SMIM19: variants seen among roughly 807,000 people sequenced by gnomAD.
SMIM19 encodes small integral membrane protein 19.
A neutral mutation model predicts 13.2 loss-of-function variants in SMIM19; 6 were observed. The observed-to-expected ratio is 0.45, with a 90% CI of 0.25 to 0.90. The LOEUF (loss-of-function observed/expected upper bound fraction) is 0.90. Among genes scored for constraint, SMIM19 ranks in the 40% least tolerant of loss-of-function variants. SMIM19 has a pLI of 0.19. For missense variants in SMIM19, 138 were observed against 131.0 expected, an observed-to-expected ratio of 1.05 and a Z score of -0.26; for synonymous variants, 46 against 43.1, an observed-to-expected ratio of 1.07 and a Z score of -0.27.
At chr8:42,549,239 C>CTG (rs1379994636) in intron 3 of SMIM19, among the ~76,000 whole-genome samples, 1 of 152,154 alleles carries the variant, frequency 6.6e-6, no homozygotes, top group Non-Finnish European at 1.5e-5. Flanking sequence ...TGGTGAAACC[C>CTG]TGTCTCTACC....
At chr8:42,547,972 T>C (rs1182733793) in intron 2 of SMIM19, among the ~76,000 whole-genome samples, 1 of 152,144 alleles carries the variant, frequency 6.6e-6, no homozygotes, top group Non-Finnish European at 1.5e-5. Flanking sequence ...CCAGAAATAA[T>C]TTACGTTTGG....
At chr8:42,543,156 A>G (rs1813332583) in intron 1 of SMIM19, among the ~76,000 whole-genome samples, 1 of 152,196 alleles carries the variant, frequency 6.6e-6, no homozygotes. Flanking sequence ...AAAATGTGAA[A>G]AATGGTGTCT....
Position 42,548,797 on chromosome 8 carries a change from C to CT in SMIM19, c.259+18dup. On this transcript the variant is annotated intron_variant, in intron 3 of 3. Transcript: ENST00000417410. ...ATTCCATTTGTAAGTATATTCTGTG[C>CT]TGAAAGATACACATATGCACATTTA... 6.2e-7 allele frequency: 1 copy of CT among 1,607,634 alleles called. No homozygotes were observed. The highest frequency in any genetic ancestry group is 2.2e-5 in the East Asian group (1 of 44,746).
intron 1 of SMIM19, among the ~76,000 whole-genome samples, chr8:42,545,874 C>T (rs908996757): frequency 6.6e-6 from 1 of 152,110 alleles, no homozygotes; most frequent in South Asian, 2.1e-4. Flanking sequence ...CTGGGTGTTA[C>T]AATTTGGAAA....
chr8:42,551,197 A>G (rs1223660405), intron 3 of SMIM19, among the ~76,000 whole-genome samples: 1 of 152,044 alleles, frequency 6.6e-6, no homozygotes, highest in East Asian at 1.9e-4. Context: ...GGGCACCTGT[A>G]GTCCCAGCTA....
intron 3 of SMIM19, among the ~76,000 whole-genome samples, chr8:42,551,304 C>T (rs1163724251): frequency 2.6e-5 from 3 of 115,104 alleles, no homozygotes; most frequent in Non-Finnish European, 3.5e-5. Flanking sequence ...GGCGACAGAG[C>T]GAGACTCAAA....
Position 42,554,034 on chromosome 8 carries a change from T to C in SMIM19, c.*1426T>C, listed in dbSNP as rs1368110520. On this transcript the variant is annotated 3_prime_UTR_variant, in exon 4 of 4. Coordinates refer to ENST00000417410, the MANE Select transcript of SMIM19 (RefSeq NM_001135674.2). ...CTTCAAGTATTTCATTTTCCCCTTATTGTGAAATAAACTATATACATTTTA... is the reference window on the plus strand; with the variant it reads ...CTTCAAGTATTTCATTTTCCCCTTACTGTGAAATAAACTATATACATTTTA... 2.0e-5 allele frequency: 3 copies of C among 152,110 alleles called. No homozygotes were observed. Among genetic ancestry groups the C allele is most frequent in the Admixed American group, 6.5e-5 (1 of 15,272 alleles). The allele number at this position is 152,110 out of a possible 1,614,324, so 9.4% of individuals were successfully genotyped here.
intron 2 of SMIM19, among the ~76,000 whole-genome samples, chr8:42,546,841 G>A (rs925830849): frequency 1.3e-5 from 2 of 151,808 alleles, no homozygotes; most frequent in Non-Finnish European, 2.9e-5. Context: ...AAATTAGCTG[G>A]GCATGGTGGT....
In SMIM19 at chr8:42,552,769, T is replaced by TC; in HGVS notation, c.*163dup. On this transcript the variant is annotated 3_prime_UTR_variant, in exon 4 of 4. Transcript: ENST00000417410. The stretch of plus-strand genomic sequence containing the variant: ...TTGTTTTGCCTTTTTAAATTACATC[T>TC]CCAAGTGGCTCAAAAGGCCTTGACA... 1.3e-6 allele frequency: 1 copy of TC among 771,788 alleles called. No homozygotes were observed. The highest frequency in any genetic ancestry group is 1.9e-5 in the South Asian group (1 of 51,798). 47.8% of individuals were successfully genotyped at this position (771,788 alleles called of 1,614,324 possible). A position where few individuals can be genotyped will look rare whatever the true frequency, so the allele number is the denominator to read the frequency against.
intron 1 of SMIM19, among the ~76,000 whole-genome samples, chr8:42,545,396 G>A (rs1263208827): frequency 6.6e-6 from 1 of 152,140 alleles, no homozygotes; most frequent in African/African-American, 2.4e-5. Context: ...TGTCCAGCAG[G>A]CCAAAACTAG....
chr8:42,551,369 G>C, intron 3 of SMIM19, among the ~76,000 whole-genome samples: 1 of 151,326 alleles, frequency 6.6e-6, no homozygotes. Flanking sequence ...AGCAGTGGAT[G>C]ACACAAAGAT....
chr8:42,548,273 G>A (rs1281738915), intron 2 of SMIM19: 4 of 407,548 alleles, frequency 9.8e-6, no homozygotes, highest in African/African-American at 2.1e-5. Context: ...ATTAGGATCT[G>A]CTCACATTCA....
At chr8:42,544,496 A>G (rs1261944125) in intron 1 of SMIM19, among the ~76,000 whole-genome samples, 3 of 60,828 alleles carry the variant, frequency 4.9e-5, no homozygotes, top group African/African-American at 1.5e-4. Flanking sequence ...TTTAGTATCT[A>G]GGAATTGGGT....
At chr8:42,550,866 T>C (rs1321260003) in intron 3 of SMIM19, among the ~76,000 whole-genome samples, 1 of 152,186 alleles carries the variant, frequency 6.6e-6, no homozygotes, top group Non-Finnish European at 1.5e-5. Flanking sequence ...GTTCGTGATG[T>C]ATTTTGTCCT....
chr8:42,548,842 G>A (rs1180062635), intron 3 of SMIM19, 62 bp downstream of exon 3: 3 of 1,503,294 alleles, frequency 2.0e-6, no homozygotes, highest in Admixed American at 4.6e-5. Flanking sequence ...TTCTGGAATT[G>A]AGTTCATTTA....
rs183472669 is a variant in SMIM19, at chr8:42,554,792, A to G, written c.*2184A>G. The G allele has an allele frequency of 1.6e-4, 24 of 152,382 alleles. No individual in the cohort carries two copies. The highest frequency in any genetic ancestry group is 2.8e-4 in the Non-Finnish European group (19 of 68,050). The allele number at this position is 152,382 out of a possible 1,614,324, so 9.4% of individuals were successfully genotyped here. A position where few individuals can be genotyped will look rare whatever the true frequency, so the allele number is the denominator to read the frequency against. On this transcript the variant is annotated 3_prime_UTR_variant, in exon 4 of 4. Coordinates refer to ENST00000417410, the MANE Select transcript of SMIM19 (RefSeq NM_001135674.2). Reference sequence around the variant, plus strand: ...TTTTCTTTGGAAGAAAAATGGAACTACTAATAAGCTAGTAATTAACCCTTG... The same window carrying G: ...TTTTCTTTGGAAGAAAAATGGAACTGCTAATAAGCTAGTAATTAACCCTTG...
At chr8:42,551,210 C>G (rs1291246091) in intron 3 of SMIM19, among the ~76,000 whole-genome samples, 1 of 150,646 alleles carries the variant, frequency 6.6e-6, no homozygotes, top group African/African-American at 2.4e-5. Context: ...CCCAGCTACT[C>G]AGGAGGCTGA....
chr8:42,545,678 C>T (rs2131490572), intron 1 of SMIM19, among the ~76,000 whole-genome samples: 1 of 152,268 alleles, frequency 6.6e-6, no homozygotes, highest in South Asian at 2.1e-4. Flanking sequence ...TTACAGTCAC[C>T]CGCCATCATG....
rs1288463125 is a variant in SMIM19, at chr8:42,542,021, A to G, written c.-357A>G. On this transcript the variant is annotated 5_prime_UTR_variant, in exon 1 of 4. Coordinates refer to ENST00000417410, the MANE Select transcript of SMIM19 (RefSeq NM_001135674.2). ...CACGCGCAGCCTGCGGGCGGCGGAA[A>G]CGTCCCTAGAGCCTCGCCGCCCTGG... is the stretch of plus-strand genomic sequence containing the variant. The G allele has an allele frequency of 6.6e-6, 1 of 152,202 alleles. No homozygotes were observed. Among genetic ancestry groups the G allele is most frequent in the African/African-American group, 2.4e-5 (1 of 41,446 alleles). 9.4% of individuals were successfully genotyped at this position (152,202 alleles called of 1,614,324 possible). A position where few individuals can be genotyped will look rare whatever the true frequency, so the allele number is the denominator to read the frequency against.
Sources: gnomAD v4.1 joint callset for allele counts (sites outside exome capture counted in the v4.1 genomes callset) on GRCh38, gnomAD v4.1.1 for gene constraint, MANE v1.5 for transcripts, NCBI Gene and HGNC (gene_info 2026-07-23, HGNC 2026-07-21) for gene names.